Variants in DIAPH2 observed in about 807,000 individuals in gnomAD.
The protein encoded by DIAPH2 is diaphanous related formin 2.
In DIAPH2, 35 loss-of-function variants were observed where a neutral mutation model predicts 92.7. The observed-to-expected ratio is 0.38, with a 90% CI of 0.29 to 0.50. DIAPH2 has a LOEUF of 0.50. Ranked by LOEUF, DIAPH2 falls within the 20% of genes least tolerant of loss-of-function variation. The pLI, the probability that DIAPH2 is intolerant of heterozygous loss-of-function variation, is 0.94. For missense variants in DIAPH2, 701 were observed against 819.5 expected, an observed-to-expected ratio of 0.86 and a Z score of 1.77; for synonymous variants, 301 against 280.4, an observed-to-expected ratio of 1.07 and a Z score of -0.73.
chrX:96,747,027 A>G (rs1229788817), intron 3 of DIAPH2, among the ~76,000 whole-genome samples: 1 of 111,750 alleles, frequency 8.9e-6, no homozygotes, highest in African/African-American at 3.3e-5. Flanking sequence ...AGTTGTCATA[A>G]CCTTTGAGCT....
intron 17 of DIAPH2, among the ~76,000 whole-genome samples, chrX:97,057,233 G>T (rs2066563662): frequency 9.0e-6 from 1 of 111,716 alleles, no homozygotes; most frequent in Admixed American, 9.5e-5. Context: ...TGGCAGTTAT[G>T]TTGGATTATA....
At chrX:97,336,247 T>G (rs1004438854) in intron 23 of DIAPH2, among the ~76,000 whole-genome samples, 1 of 100,082 alleles carries the variant, frequency 1.0e-5, no homozygotes, top group Non-Finnish European at 2.0e-5. Flanking sequence ...TCTTTTCTTT[T>G]TTTTTTTTTT....
At chrX:96,719,601 A>G (rs1157327224) in intron 1 of DIAPH2, among the ~76,000 whole-genome samples, 1 of 111,799 alleles carries the variant, frequency 8.9e-6, no homozygotes, top group Admixed American at 9.4e-5. Flanking sequence ...CTGTAGATTT[A>G]TGGACTTATT....
intron 22 of DIAPH2, among the ~76,000 whole-genome samples, chrX:97,212,587 TTTG>T (rs2067849396): frequency 1.1e-5 from 1 of 88,838 alleles, no homozygotes; most frequent in African/African-American, 3.9e-5. Context: ...CTTAGGGTTT[TTTG>T]TTTTTTTTTT....
rs2071603842 is a variant in DIAPH2 at position 97,603,007 on chromosome X, G to T, written c.*3690G>T. On this transcript the variant is annotated 3_prime_UTR_variant, in exon 27 of 27. Transcript: ENST00000324765. ...CCTGAACAACCCCATCTCTATTCTT[G>T]GCTTCTGTTGAAACAGTCAAATAAA... 1 of 111,015 alleles carries T rather than the reference G, an allele frequency of 9.0e-6. No individual in the cohort carries two copies. The highest frequency in any genetic ancestry group is 3.3e-5 in the African/African-American group (1 of 30,499). 9.1% of individuals were successfully genotyped at this position (111,015 alleles called of 1,213,427 possible).
At chrX:97,489,209 G>C (rs2060545605) in intron 26 of DIAPH2, among the ~76,000 whole-genome samples, 1 of 111,704 alleles carries the variant, frequency 9.0e-6, no homozygotes, top group South Asian at 3.7e-4. Context: ...AAATGGGATT[G>C]CTTTCTCAGT....
At position 97,124,992 on chromosome X, in the gene DIAPH2, T is replaced by C. The variant is rs969200172; in HGVS notation, c.2589+10027T>C. On this transcript the variant is annotated intron_variant, in intron 21 of 26. Coordinates refer to ENST00000324765, the MANE Select transcript of DIAPH2 (RefSeq NM_006729.5). The stretch of plus-strand genomic sequence containing the variant: ...CAGATGAAGCCAAAAAGGGTGTGTG[T>C]GCATATGGGTGTTGAGTAAGAGAGA... 8.1e-5 allele frequency among the ~76,000 whole-genome samples: 9 copies of C among 111,102 alleles called. No individual in the cohort carries two copies. In the South Asian group the frequency reaches 3.4e-3, roughly 42 times the overall value.
intron 23 of DIAPH2, among the ~76,000 whole-genome samples, chrX:97,249,532 C>A (rs1398656724): frequency 9.0e-6 from 1 of 111,521 alleles, no homozygotes; most frequent in Non-Finnish European, 1.9e-5. Flanking sequence ...CAATTTATTT[C>A]AGAGAAAAAA....
chrX:96,864,424 G>A (rs372080686), intron 4 of DIAPH2, among the ~76,000 whole-genome samples: 2 of 110,115 alleles, frequency 1.8e-5, no homozygotes, highest in Non-Finnish European at 3.8e-5. Flanking sequence ...TAACGGTATT[G>A]TAGTTTCTTT....
chrX:97,378,869 C>G (rs761887758), intron 24 of DIAPH2, among the ~76,000 whole-genome samples: 7 of 111,858 alleles, frequency 6.3e-5, no homozygotes, highest in Non-Finnish European at 1.1e-4. Flanking sequence ...TTTTCAAATC[C>G]TTCCAACACC....
chrX:97,171,658 G>A (rs757284233), intron 22 of DIAPH2, among the ~76,000 whole-genome samples: 1 of 111,865 alleles, frequency 8.9e-6, no homozygotes, highest in African/African-American at 3.2e-5. Flanking sequence ...GAAACTTTCC[G>A]GGCTGGGCGC....
At chrX:97,349,030 A>ATG (rs778771385) in intron 24 of DIAPH2, among the ~76,000 whole-genome samples, 52 of 102,896 alleles carry the variant, frequency 5.1e-4, no homozygotes, top group Non-Finnish European at 8.7e-4. Flanking sequence ...GTGTATATAT[A>ATG]TGTGTGTATA....
At chrX:97,169,800 C>T (rs1372210552) in intron 22 of DIAPH2, among the ~76,000 whole-genome samples, 2 of 110,675 alleles carry the variant, frequency 1.8e-5, no homozygotes, top group East Asian at 5.7e-4. Context: ...CCTGGGAGGT[C>T]GAGGCAGCAA....
intron 26 of DIAPH2, among the ~76,000 whole-genome samples, chrX:97,516,528 CA>C (rs2070949942): frequency 1.8e-5 from 2 of 111,501 alleles, no homozygotes; most frequent in Non-Finnish European, 3.8e-5. Flanking sequence ...ATTTTTAGTG[CA>C]AAAAATAGGC....
At chrX:96,919,471 T>C (rs5920943) in intron 9 of DIAPH2, among the ~76,000 whole-genome samples, 13,439 of 110,993 alleles carry the variant, frequency 0.12, 1,121 homozygotes, top group African/African-American at 0.29. Context: ...TAATGTACCA[T>C]GGAAAATTCT....
In DIAPH2 at chrX:97,112,761, CTTTCTT is replaced by C. The variant is rs1232195756; in HGVS notation, c.2350-1961_2350-1956del. Among the ~76,000 whole-genome samples the C allele has an allele frequency of 5.0e-3, 334 of 67,302 alleles. 5 individuals carry two copies. Among genetic ancestry groups the C allele is most frequent in the African/African-American group, 0.019 (314 of 16,246 alleles). 58.4% of individuals were successfully genotyped at this position (67,302 alleles called of 115,157 possible). ...CCTCCTTCCTTCCTTCTTTCCCTTT[CTTTCTT>C]TTTTTTTTTTTTTTTTTTTTTTTTT... On this transcript the variant is annotated intron_variant, in intron 20 of 26. Transcript: ENST00000324765.
intron 4 of DIAPH2, among the ~76,000 whole-genome samples, chrX:96,842,191 G>A (rs185025276): frequency 2.7e-5 from 3 of 111,707 alleles, no homozygotes; most frequent in African/African-American, 9.8e-5. Context: ...TACACTAAAG[G>A]TCCAGTGCCA....
rs147621921 is a variant in DIAPH2, at chrX:96,700,925, T to C, written c.132+15735T>C. Among the ~76,000 whole-genome samples, 1,019 of 112,443 alleles carry C rather than the reference T, an allele frequency of 9.1e-3. 10 individuals are homozygous for C. Among genetic ancestry groups the C allele is most frequent in the African/African-American group, 0.031 (963 of 30,980 alleles). On this transcript the variant is annotated intron_variant, in intron 1 of 26. Coordinates refer to ENST00000324765, the MANE Select transcript of DIAPH2 (RefSeq NM_006729.5). ...CCCACTGTATTTTTACATTTAGGGC[T>C]ACTATTAGGCACCTAATTGTATCTT...
At chrX:97,069,356 A>G (rs1313864777) in intron 17 of DIAPH2, among the ~76,000 whole-genome samples, 2 of 111,616 alleles carry the variant, frequency 1.8e-5, no homozygotes, top group African/African-American at 3.3e-5. Flanking sequence ...GATGTTCCCT[A>G]TATAGAACTA....
Sources: allele counts gnomAD v4.1 joint callset (sites outside exome capture counted in the v4.1 genomes callset), GRCh38; gene constraint gnomAD v4.1.1; transcripts MANE v1.5; gene names NCBI Gene and HGNC (gene_info 2026-07-23, HGNC 2026-07-21).